Variants in TRPM3 observed in about 807,000 individuals in gnomAD.
The protein encoded by TRPM3 is long transient receptor potential channel 3.
In TRPM3, 77 loss-of-function variants were observed where a neutral mutation model predicts 181.2. That is an observed-to-expected ratio of 0.42 (90% CI 0.35 to 0.51). The LOEUF is 0.51. TRPM3 is among the 20% of genes least tolerant of loss of function. The pLI is 0.01. For synonymous variants in TRPM3, 745 were observed against 796.4 expected (o/e 0.94, Z 1.09); for missense variants, 1,759 against 2,196.7 (o/e 0.80, Z 3.98).
chr9:71,186,126 C>A (rs546463468), intron 1 of TRPM3, among the ~76,000 whole-genome samples: 1 of 151,984 alleles, frequency 6.6e-6, no homozygotes, highest in Non-Finnish European at 1.5e-5. Flanking sequence ...GCCTCTCAAC[C>A]TTCACAGGAC....
intron 1 of TRPM3, among the ~76,000 whole-genome samples, chr9:70,886,694 C>T (rs371197177): frequency 4.0e-5 from 6 of 150,564 alleles, no homozygotes; most frequent in Admixed American, 1.3e-4. Flanking sequence ...GATGGAATTT[C>T]GCTCTTGTCG....
chr9:71,401,581 G>T (rs1464352488), intron 1 of TRPM3, among the ~76,000 whole-genome samples: 1 of 152,190 alleles, frequency 6.6e-6, no homozygotes, highest in African/African-American at 2.4e-5. Context: ...TGATGAGGTA[G>T]ATGTCAAGAA....
At chr9:70,771,322 C>G (rs1353295710) in intron 7 of TRPM3, among the ~76,000 whole-genome samples, 1 of 152,144 alleles carries the variant, frequency 6.6e-6, no homozygotes, top group East Asian at 1.9e-4. Context: ...TGAAGGTGAA[C>G]TGATTTGCTT....
At chr9:71,296,542 A>G (rs2086273476) in intron 1 of TRPM3, among the ~76,000 whole-genome samples, 1 of 152,180 alleles carries the variant, frequency 6.6e-6, no homozygotes, top group African/African-American at 2.4e-5. Flanking sequence ...GTGTTTGGCC[A>G]GGTTGACCAA....
intron 1 of TRPM3, among the ~76,000 whole-genome samples, chr9:71,075,652 T>C (rs952722220): frequency 3.3e-5 from 5 of 152,222 alleles, no homozygotes; most frequent in African/African-American, 1.2e-4. Flanking sequence ...ATGAGCAGCT[T>C]GTGAGTCATA....
intron 1 of TRPM3, among the ~76,000 whole-genome samples, chr9:71,413,620 C>T (rs1370794401): frequency 6.6e-6 from 1 of 152,052 alleles, no homozygotes; most frequent in African/African-American, 2.4e-5. Context: ...CCCACTGCAA[C>T]AGTGTTGGGA....
rs140630934 is a variant in TRPM3 at position 71,312,288 on chromosome 9, C to G, written c.183+134365G>C. Among the ~76,000 whole-genome samples the G allele has an allele frequency of 2.8e-3, 424 of 152,152 alleles. 1 individual carries two copies. Among genetic ancestry groups the G allele is most frequent in the Non-Finnish European group, 4.4e-3 (299 of 67,986 alleles). ...GCTCACCAAAGAAACAGATGACAAA[C>G]AAGCGTAAAGATGCTCCATAATAAA... is the stretch of plus-strand genomic sequence containing the variant. On this transcript the variant is annotated intron_variant, in intron 1 of 24. Transcript: ENST00000357533.
In TRPM3 at chr9:70,569,311, C is replaced by A. The variant is rs17055319; in HGVS notation, c.3224-16001G>T. Among the ~76,000 whole-genome samples, 639 of 152,264 alleles carry A rather than the reference C, an allele frequency of 4.2e-3. 28 individuals are homozygous for A. In the East Asian group the frequency reaches 0.098, roughly 23 times the overall value. On this transcript the variant is annotated intron_variant, in intron 22 of 25. Transcript: ENST00000677713. The stretch of plus-strand genomic sequence containing the variant: ...TTTAGGCATAGCTATGTGCACCTAC[C>A]TTGACTGATAGCTTTATTTAGCATA...
At chr9:70,947,332 T>C (rs1375742062) in intron 1 of TRPM3, among the ~76,000 whole-genome samples, 1 of 152,228 alleles carries the variant, frequency 6.6e-6, no homozygotes, top group Non-Finnish European at 1.5e-5. Context: ...TGAAGTAACA[T>C]GATTAAAACT....
intron 1 of TRPM3, among the ~76,000 whole-genome samples, chr9:71,099,754 G>T (rs1246417627): frequency 2.0e-5 from 3 of 152,118 alleles, no homozygotes; most frequent in Non-Finnish European, 4.4e-5. Flanking sequence ...TTCATTCAAA[G>T]TTAAGCTCTT....
intron 17 of TRPM3, among the ~76,000 whole-genome samples, chr9:70,618,601 A>G (rs565772889): frequency 6.6e-6 from 1 of 152,312 alleles, no homozygotes; most frequent in African/African-American, 2.4e-5. Context: ...GTGCGTGGCC[A>G]TCCCCTTTGA....
intron 1 of TRPM3, among the ~76,000 whole-genome samples, chr9:70,945,071 G>A (rs932036692): frequency 6.6e-6 from 1 of 152,106 alleles, no homozygotes; most frequent in Non-Finnish European, 1.5e-5. Context: ...GTCCTCTAGG[G>A]GTGAAGCCTG....
At chr9:71,256,933 G>A (rs1339420506) in intron 1 of TRPM3, among the ~76,000 whole-genome samples, 1 of 152,108 alleles carries the variant, frequency 6.6e-6, no homozygotes, top group Non-Finnish European at 1.5e-5. Context: ...AGGAAAAGTT[G>A]CATATTATAA....
At chr9:71,071,284 G>A (rs890399142) in intron 1 of TRPM3, among the ~76,000 whole-genome samples, 3 of 152,156 alleles carry the variant, frequency 2.0e-5, no homozygotes, top group African/African-American at 7.2e-5. Context: ...GCAAGCCCTG[G>A]ACTGTTCCTC....
At chr9:70,782,066 G>C (rs1336808494) in intron 7 of TRPM3, among the ~76,000 whole-genome samples, 4 of 151,964 alleles carry the variant, frequency 2.6e-5, no homozygotes, top group Non-Finnish European at 4.4e-5. Flanking sequence ...CTACTTTGTA[G>C]GAATACCATA....
At position 70,841,661 on chromosome 9, in the gene TRPM3, T is replaced by TAAAA. The variant is rs1339698170; in HGVS notation, c.801+1341_801+1342insTTTT. On this transcript the variant is annotated intron_variant, in intron 5 of 25. Transcript: ENST00000677713. ...ATATATATATATATATATATATATA[T>TAAAA]CCCACCATATATATGTATATATAGA... 3.7e-4 allele frequency among the ~76,000 whole-genome samples: 32 copies of TAAAA among 86,092 alleles called. 1 individual carries two copies. The highest frequency in any genetic ancestry group is 1.4e-3 in the African/African-American group (30 of 21,060). The allele number at this position is 86,092 out of a possible 152,430, so 56.5% of individuals were successfully genotyped here.
At chr9:70,587,335 T>C (rs1182537507) in intron 22 of TRPM3, among the ~76,000 whole-genome samples, 1 of 152,166 alleles carries the variant, frequency 6.6e-6, no homozygotes, top group African/African-American at 2.4e-5. Flanking sequence ...GCATGATTCA[T>C]TTTCCTCCTG....
chr9:71,351,679 C>T (rs542067073), intron 1 of TRPM3, among the ~76,000 whole-genome samples: 83 of 152,146 alleles, frequency 5.5e-4, no homozygotes, highest in Non-Finnish European at 8.2e-4. Context: ...CTGCAGGAAG[C>T]TATGATTTAC....
chr9:71,198,709 T>C (rs984535884), intron 1 of TRPM3, among the ~76,000 whole-genome samples: 1 of 151,426 alleles, frequency 6.6e-6, no homozygotes, highest in Non-Finnish European at 1.5e-5. Context: ...TTGTGATTTT[T>C]GTACATTGAT....
Sources: gnomAD v4.1 joint callset for allele counts (sites outside exome capture counted in the v4.1 genomes callset) on GRCh38, gnomAD v4.1.1 for gene constraint, MANE v1.5 for transcripts, NCBI Gene and HGNC (gene_info 2026-07-23, HGNC 2026-07-21) for gene names.